Variants in TSHZ1 observed in about 807,000 individuals in gnomAD.
TSHZ1 encodes the protein teashirt homolog 1.
TSHZ1 carries 12 observed loss-of-function variants against 67.1 expected under a neutral mutation model. The ratio of observed to expected loss-of-function variants is 0.18; its 90% CI spans 0.11 to 0.29. The LOEUF is 0.29. TSHZ1 is among the 10% of genes least tolerant of loss of function. The pLI is 1.00. For missense variants in TSHZ1, 1,305 were observed against 1,413.9 expected, an observed-to-expected ratio of 0.92 and a Z score of 1.23; for synonymous variants, 632 against 622.4, an observed-to-expected ratio of 1.02 and a Z score of -0.23.
chr18:75,257,776 C>T (rs530723351), intron 1 of TSHZ1, among the ~76,000 whole-genome samples: 2 of 152,272 alleles, frequency 1.3e-5, no homozygotes, highest in African/African-American at 2.4e-5. Context: ...CCAGTCGTCA[C>T]GTTAGTCATG....
At chr18:75,240,932 T>C (rs1445085315) in intron 1 of TSHZ1, among the ~76,000 whole-genome samples, 2 of 151,878 alleles carry the variant, frequency 1.3e-5, no homozygotes, top group Non-Finnish European at 2.9e-5. Flanking sequence ...CATTTGGGGG[T>C]GTTTGTCATT....
Position 75,211,771 on chromosome 18 carries a change from C to A in TSHZ1, c.-106C>A. ...AGCCCGGAGCCCGCGGGGACGAGGC[C>A]AAAGTTGGGCGCGCCGCGGAGTTGC... is the stretch of plus-strand genomic sequence containing the variant. On this transcript the variant is annotated 5_prime_UTR_variant, in exon 1 of 2. Transcript: ENST00000580243. 1.3e-6 allele frequency: 1 copy of A among 748,198 alleles called. No individual in the cohort carries two copies. The highest frequency in any genetic ancestry group is 1.6e-6 in the Non-Finnish European group (1 of 612,626). The allele number at this position is 748,198 out of a possible 1,614,324, so 46.3% of individuals were successfully genotyped here. A position where few individuals can be genotyped will look rare whatever the true frequency, so the allele number is the denominator to read the frequency against.
At chr18:75,247,439 C>T (rs774791739) in intron 1 of TSHZ1, among the ~76,000 whole-genome samples, 1 of 152,136 alleles carries the variant, frequency 6.6e-6, no homozygotes, top group African/African-American at 2.4e-5. Flanking sequence ...ATTGCACAAC[C>T]CACAAAATGT....
At chr18:75,224,768 C>T (rs1219811031) in intron 1 of TSHZ1, among the ~76,000 whole-genome samples, 3 of 151,988 alleles carry the variant, frequency 2.0e-5, no homozygotes, top group Admixed American at 6.6e-5. Context: ...AGGGGTGCGG[C>T]GGGCATTGGA....
At position 75,212,010 on chromosome 18, in the gene TSHZ1, G is replaced by A. The variant is rs558580225; in HGVS notation, c.40+94G>A. The A allele has an allele frequency of 5.9e-6, 6 of 1,018,572 alleles. No homozygotes were observed. The African/African-American group carries it at 1.0e-4, about 17-fold the overall frequency. 63.1% of individuals were successfully genotyped at this position (1,018,572 alleles called of 1,614,324 possible). On this transcript the variant is annotated intron_variant, in intron 1 of 1. Transcript: ENST00000580243. ...GCCGAGGTGCGGGACGTGGGCCGCGGGCCGCCCCAAGCTGGGGAGGGGAGG... is the reference window on the plus strand; with the variant it reads ...GCCGAGGTGCGGGACGTGGGCCGCGAGCCGCCCCAAGCTGGGGAGGGGAGG...
chr18:75,279,646 C>G (rs1404512047), intron 1 of TSHZ1, among the ~76,000 whole-genome samples: 3 of 152,224 alleles, frequency 2.0e-5, no homozygotes, highest in Non-Finnish European at 4.4e-5. Flanking sequence ...GACAGCCTCT[C>G]TGGCAGTGCG....
chr18:75,237,787 CTTTCATTTATTTATTT>C (rs1430228481), intron 1 of TSHZ1, among the ~76,000 whole-genome samples: 1 of 104,282 alleles, frequency 9.6e-6, no homozygotes, highest in Non-Finnish European at 2.3e-5. Context: ...AGCCTTCTTT[CTTTCATTTATTTATTT>C]ATTTATTTAT....
At chr18:75,263,862 G>GA (rs1307269941) in intron 1 of TSHZ1, among the ~76,000 whole-genome samples, 6 of 152,210 alleles carry the variant, frequency 3.9e-5, no homozygotes, top group Non-Finnish European at 8.8e-5. Flanking sequence ...AGAGGAAAAG[G>GA]AAAGAAGCAA....
chr18:75,272,271 G>T (rs1001812018), intron 1 of TSHZ1, among the ~76,000 whole-genome samples: 1 of 152,216 alleles, frequency 6.6e-6, no homozygotes, highest in Non-Finnish European at 1.5e-5. Context: ...GGCACGCGAG[G>T]CGCCTTGGTC....
intron 1 of TSHZ1, among the ~76,000 whole-genome samples, chr18:75,262,849 A>G (rs2023447400): frequency 6.6e-6 from 1 of 152,206 alleles, no homozygotes; most frequent in Non-Finnish European, 1.5e-5. Context: ...TGTGCCCTGT[A>G]CATGGCATTG....
chr18:75,238,330 G>A (rs746844793), intron 1 of TSHZ1, among the ~76,000 whole-genome samples: 1 of 152,172 alleles, frequency 6.6e-6, no homozygotes, highest in African/African-American at 2.4e-5. Context: ...TCCCACCAGC[G>A]AGGTGTAGAC....
intron 1 of TSHZ1, among the ~76,000 whole-genome samples, chr18:75,256,584 C>A (rs1243703413): frequency 6.6e-6 from 1 of 152,136 alleles, no homozygotes; most frequent in Non-Finnish European, 1.5e-5. Context: ...ATAGTGAAAG[C>A]CAGAACTGGC....
intron 1 of TSHZ1, among the ~76,000 whole-genome samples, chr18:75,274,375 A>T (rs779008220): frequency 1.3e-5 from 2 of 152,150 alleles, no homozygotes; most frequent in Non-Finnish European, 2.9e-5. Flanking sequence ...GGTGACGCCA[A>T]CGGTGAGGGT....
Position 75,286,148 on chromosome 18 carries a change from G to A in TSHZ1, c.741G>A (p.Arg247=). The A allele has an allele frequency of 1.9e-6, 3 of 1,613,742 alleles. No individual in the cohort carries two copies. The highest frequency in any genetic ancestry group is 2.2e-5 in the South Asian group (2 of 91,082). The change falls in exon 2 of 2, where the codon CGG becomes CGA. Residue 247 remains arginine (R), a synonymous_variant. Transcript: ENST00000580243. The surrounding 1 kb of genome is among the most constrained non-coding windows in gnomAD (Gnocchi z 5.1). ...TCTTCACGGGCGCCAGCAAGTTCCG[G>A]TGCAAAGACTGCAGTGCCGCGTACG... ...GSVFTGASKF[R]CKDCSAAYDT... is the part of the protein sequence containing the mutation.
intron 1 of TSHZ1, among the ~76,000 whole-genome samples, chr18:75,273,313 A>C (rs1176153814): frequency 2.6e-5 from 4 of 152,238 alleles, no homozygotes; most frequent in Non-Finnish European, 5.9e-5. Flanking sequence ...GTACAGATTA[A>C]GATGCAAGTT....
intron 1 of TSHZ1, among the ~76,000 whole-genome samples, chr18:75,234,994 T>G (rs1400283180): frequency 6.6e-6 from 1 of 152,206 alleles, no homozygotes; most frequent in South Asian, 2.1e-4. Flanking sequence ...TCATTAGTTT[T>G]TCTTTTTTTC....
chr18:75,219,948 G>A (rs73479888), intron 1 of TSHZ1, among the ~76,000 whole-genome samples: 1,947 of 152,324 alleles, frequency 0.013, 36 homozygotes, highest in African/African-American at 0.044. Context: ...CAAGCCCGGG[G>A]TTGTGATGCC....
rs1450881802 is a variant in TSHZ1, at chr18:75,289,084, GAAGAA to G, written c.*446_*450del. The G allele has an allele frequency of 6.2e-6, 1 of 161,366 alleles. No individual in the cohort carries two copies. The highest frequency in any genetic ancestry group is 1.5e-5 in the Non-Finnish European group (1 of 67,164). 10.0% of individuals were successfully genotyped at this position (161,366 alleles called of 1,614,324 possible). A position where few individuals can be genotyped will look rare whatever the true frequency, so the allele number is the denominator to read the frequency against. On this transcript the variant is annotated 3_prime_UTR_variant, in exon 2 of 2. Coordinates refer to ENST00000580243, the MANE Select transcript of TSHZ1 (RefSeq NM_001308210.2). ...TGCCTTTCACTTGAAAAAAAAAAAA[GAAGAA>G]AAAAAGGCTTAAAGGCATTTCATTC...
chr18:75,225,447 G>A (rs1055619414), intron 1 of TSHZ1, among the ~76,000 whole-genome samples: 8 of 152,208 alleles, frequency 5.3e-5, no homozygotes, highest in Admixed American at 2.0e-4. Context: ...GCCTGTCCAC[G>A]CCGCTTTCTT....
Sources: gnomAD v4.1 joint callset for allele counts (sites outside exome capture counted in the v4.1 genomes callset) on GRCh38, gnomAD v4.1.1 for gene constraint, Gnocchi (gnomAD v3.1) non-coding constraint, MANE v1.5 for transcripts, NCBI Gene and HGNC (gene_info 2026-07-23, HGNC 2026-07-21) for gene names.